The following OR10J1 variants were observed in gnomAD, a reference collection of about 807,000 sequenced individuals.
OR10J1 encodes olfactory receptor family 10 subfamily J member 1.
For synonymous variants in OR10J1, 202 were observed against 143.8 expected (o/e 1.40, Z -2.89); for missense variants, 474 against 376.6 (o/e 1.26, Z -2.14).
upstream of OR10J1, among the ~76,000 whole-genome samples, chr1:159,436,645 A>C (rs1655744981): frequency 6.6e-6 from 1 of 151,500 alleles, no homozygotes; most frequent in Admixed American, 6.6e-5. Context: ...AGACCGGAAA[A>C]GGGAAAAAAA....
At chr1:159,430,673 G>GCA in the OR10J1 span, among the ~76,000 whole-genome samples, 34 of 151,890 alleles carry the variant, frequency 2.2e-4, no homozygotes, top group Admixed American at 9.2e-4. Flanking sequence ...GTGTGTGCGC[G>GCA]CGCGCACATG....
upstream of OR10J1, among the ~76,000 whole-genome samples, chr1:159,439,077 C>A (rs1445930782): frequency 6.6e-6 from 1 of 152,210 alleles, no homozygotes; most frequent in Non-Finnish European, 1.5e-5. Context: ...GTGCTCTGAA[C>A]TGTCAGCAGA....
the OR10J1 span, among the ~76,000 whole-genome samples, chr1:159,406,682 A>G: frequency 1.3e-5 from 2 of 152,168 alleles, no homozygotes; most frequent in East Asian, 3.9e-4. Flanking sequence ...TCCAGGTCAG[A>G]GAGGAAGAAA....
Position 159,439,732 on chromosome 1 carries a change from C to A in OR10J1, c.-60C>A, listed in dbSNP as rs748912646. On this transcript the variant is annotated 5_prime_UTR_variant, in exon 1 of 1. In the 5' UTR this introduces an upstream ATG that the reference lacks. Coordinates refer to ENST00000423932, the MANE Select transcript of OR10J1 (RefSeq NM_012351.3). Reference sequence around the variant, plus strand: ...AATCAATTTCAGAAATGTGCTTCTACTGCTTTACTGGGACTATGTGACTTT... The same window carrying A: ...AATCAATTTCAGAAATGTGCTTCTAATGCTTTACTGGGACTATGTGACTTT... The A allele has an allele frequency of 5.0e-6, 8 of 1,598,722 alleles. No individual in the cohort carries two copies. The highest frequency in any genetic ancestry group is 6.8e-6 in the Non-Finnish European group (8 of 1,169,602).
the OR10J1 span, among the ~76,000 whole-genome samples, chr1:159,430,641 GT>G: frequency 1.2e-4 from 2 of 16,208 alleles, no homozygotes; most frequent in African/African-American, 1.8e-4. Flanking sequence ...AAAAATTATG[GT>G]GTGTGTGTGT....
the OR10J1 span, chr1:159,405,713 T>A: frequency 7.2e-6 from 5 of 690,324 alleles, no homozygotes; most frequent in Non-Finnish European, 1.3e-5. Context: ...GTGTAGATGA[T>A]GAGGTCATAG....
chr1:159,405,246 A>G, the OR10J1 span, among the ~76,000 whole-genome samples: 1 of 152,136 alleles, frequency 6.6e-6, no homozygotes, highest in African/African-American at 2.4e-5. Flanking sequence ...AGAATAACAC[A>G]TCTGAAGCTT....
the OR10J1 span, chr1:159,405,691 A>G: frequency 5.4e-3 from 3,211 of 597,828 alleles, 21 homozygotes; most frequent in Middle Eastern, 8.4e-3. Flanking sequence ...AGTTGAAGCA[A>G]TCTTAAGGAT....
the OR10J1 span, among the ~76,000 whole-genome samples, chr1:159,403,169 A>T: frequency 6.6e-6 from 1 of 152,220 alleles, no homozygotes; most frequent in Admixed American, 6.6e-5. Context: ...ACAAGAAAAC[A>T]TTGGGGAAAA....
the OR10J1 span, among the ~76,000 whole-genome samples, chr1:159,423,446 A>T: frequency 1.3e-5 from 2 of 152,226 alleles, no homozygotes; most frequent in East Asian, 3.8e-4. Context: ...AGACAGAGAC[A>T]GTGTCTCCCT....
the OR10J1 span, among the ~76,000 whole-genome samples, chr1:159,408,199 A>C: frequency 6.6e-6 from 1 of 152,028 alleles, no homozygotes; most frequent in African/African-American, 2.4e-5. Context: ...AGAATAGCAA[A>C]GACTTGGAAC....
the OR10J1 span, chr1:159,432,650 C>A: frequency 2.3e-6 from 1 of 438,378 alleles, no homozygotes. Context: ...TCAGTGGATC[C>A]TGGAACATTG....
chr1:159,429,146 AAGG>A, the OR10J1 span, among the ~76,000 whole-genome samples: 1 of 152,222 alleles, frequency 6.6e-6, no homozygotes, highest in Non-Finnish European at 1.5e-5. Context: ...TGATCTCCTC[AAGG>A]AGAAGGTGCT....
the OR10J1 span, among the ~76,000 whole-genome samples, chr1:159,429,878 G>C: frequency 1.3e-5 from 2 of 152,148 alleles, no homozygotes; most frequent in Non-Finnish European, 2.9e-5. Flanking sequence ...TAGTCCTCCA[G>C]TTTGGAAGAT....
the OR10J1 span, among the ~76,000 whole-genome samples, chr1:159,399,819 C>G: frequency 6.6e-6 from 1 of 151,870 alleles, no homozygotes; most frequent in Non-Finnish European, 1.5e-5. Context: ...CTTTTCAAGA[C>G]ATAATCAGTA....
At chr1:159,430,668 T>TGTGC in the OR10J1 span, among the ~76,000 whole-genome samples, 25 of 69,614 alleles carry the variant, frequency 3.6e-4, no homozygotes, top group African/African-American at 5.8e-4. Context: ...TGTGTGTGTG[T>TGTGC]GCGCGCGCGC....
At chr1:159,432,914 GC>G (rs772710917), upstream of OR10J1, 3 of 427,746 alleles carry the variant, frequency 7.0e-6, no homozygotes, top group African/African-American at 6.0e-5. Context: ...CAGGAGAAAG[GC>G]CTTTGCTACT....
chr1:159,418,353 C>A, the OR10J1 span, among the ~76,000 whole-genome samples: 3 of 152,096 alleles, frequency 2.0e-5, no homozygotes, highest in Admixed American at 1.3e-4. Flanking sequence ...TCCAGGGACC[C>A]CTGTTATGCA....
chr1:159,410,112 G>A, the OR10J1 span, among the ~76,000 whole-genome samples: 9 of 152,092 alleles, frequency 5.9e-5, no homozygotes, highest in Admixed American at 5.9e-4. Flanking sequence ...GTATTTTATT[G>A]AGGATTTTTG....
Sources: allele counts gnomAD v4.1 joint callset (sites outside exome capture counted in the v4.1 genomes callset), GRCh38; gene constraint gnomAD v4.1.1; transcripts MANE v1.5; gene names NCBI Gene and HGNC (gene_info 2026-07-23, HGNC 2026-07-21).